MEGF10: variants seen among roughly 807,000 people sequenced by gnomAD.
MEGF10 encodes the protein multiple epidermal growth factor-like domains protein 10.
MEGF10 carries 86 observed loss-of-function variants against 147.5 expected under a neutral mutation model. The ratio of observed to expected loss-of-function variants is 0.58; its 90% confidence interval spans 0.49 to 0.70. The LOEUF is 0.70. Among genes scored for constraint, MEGF10 ranks in the 30% least tolerant of loss-of-function variants. The pLI is 0.00. For synonymous variants in MEGF10, 478 were observed against 525.5 expected (o/e 0.91, Z 1.24); for missense variants, 1,329 against 1,487.3 (o/e 0.89, Z 1.75).
chr5:127,334,906 C>T (rs1761403299), intron 2 of MEGF10, among the ~76,000 whole-genome samples: 1 of 152,066 alleles, frequency 6.6e-6, no homozygotes, highest in Non-Finnish European at 1.5e-5. Flanking sequence ...ATAATTTAGG[C>T]AGGTAAAATG....
the MEGF10 span, among the ~76,000 whole-genome samples, chr5:127,256,067 C>A: frequency 6.6e-6 from 1 of 152,188 alleles, no homozygotes; most frequent in Admixed American, 6.5e-5. Flanking sequence ...GAAATCTGGG[C>A]TCCCATGACT....
chr5:127,268,873 AC>A, the MEGF10 span, among the ~76,000 whole-genome samples: 2 of 152,132 alleles, frequency 1.3e-5, no homozygotes, highest in Non-Finnish European at 2.9e-5. Flanking sequence ...TCAGCCAGGT[AC>A]CCCTTTGAGA....
intron 5 of MEGF10, among the ~76,000 whole-genome samples, chr5:127,395,012 TC>T (rs1379309926): frequency 6.6e-6 from 1 of 152,240 alleles, no homozygotes; most frequent in African/African-American, 2.4e-5. Context: ...CCTAGAGTTT[TC>T]TTCTTTTGAA....
At chr5:127,309,443 C>T (rs1760162627) in intron 1 of MEGF10, among the ~76,000 whole-genome samples, 2 of 152,198 alleles carry the variant, frequency 1.3e-5, no homozygotes, top group Admixed American at 1.3e-4. Context: ...AGCAGCTCCC[C>T]ATTTTCCTCT....
intron 8 of MEGF10, among the ~76,000 whole-genome samples, chr5:127,409,084 A>T (rs970296642): frequency 6.6e-6 from 1 of 152,200 alleles, no homozygotes; most frequent in African/African-American, 2.4e-5. Context: ...CTCAAAAAAA[A>T]GTATCAAGAT....
intron 1 of MEGF10, among the ~76,000 whole-genome samples, chr5:127,301,751 A>T (rs561084971): frequency 1.4e-4 from 21 of 152,364 alleles, no homozygotes; most frequent in African/African-American, 4.8e-4. Flanking sequence ...TGCATTTAGC[A>T]TAGTGGTAGG....
intron 17 of MEGF10, 58 bp downstream of exon 17, chr5:127,438,625 C>G: frequency 6.3e-7 from 1 of 1,586,768 alleles, no homozygotes; most frequent in South Asian, 1.1e-5. Context: ...GAGGAAACAG[C>G]CTTACCCTCC....
Position 127,293,354 on chromosome 5 carries a change from T to C in MEGF10, c.-19+2298T>C, listed in dbSNP as rs543832384. 2.6e-5 allele frequency among the ~76,000 whole-genome samples: 4 copies of C among 152,364 alleles called. No homozygotes were observed. In the East Asian group the frequency reaches 7.7e-4, roughly 29 times the overall value. On this transcript the variant is annotated intron_variant, in intron 1 of 24. Transcript: ENST00000503335. ...TCTGTCTTTCACTATTCTCAGACTT[T>C]GGTTTATACCAGAAGCATGAAGTGG...
In MEGF10 at chr5:127,434,791, C is replaced by A; in HGVS notation, c.1945C>A (p.Pro649Thr). ...HHITGLCDCL[P>T]GFTGALCNEV... ...CATCACCGGCCTGTGTGACTGCTTGCCTGGCTTCACAGGCGCCCTCTGCAA... is the reference window on the plus strand; with the variant it reads ...CATCACCGGCCTGTGTGACTGCTTGACTGGCTTCACAGGCGCCCTCTGCAA... The change falls in exon 15 of 25, where the codon CCT becomes ACT. Residue 649 changes from proline to threonine, a missense_variant. Around this residue, in one of 3 missense-constraint regions of MEGF10, gnomAD observed 980 missense variants for 1,085.9 expected, o/e 0.90. Coordinates refer to ENST00000503335, the MANE Select transcript of MEGF10 (RefSeq NM_001256545.2). 5 of 1,613,612 alleles carry A rather than the reference C, an allele frequency of 3.1e-6. No homozygotes were observed. In the South Asian group the frequency reaches 5.5e-5, roughly 18 times the overall value.
intron 5 of MEGF10, among the ~76,000 whole-genome samples, chr5:127,377,601 G>T (rs1010456761): frequency 1.3e-4 from 20 of 152,164 alleles, no homozygotes; most frequent in African/African-American, 4.8e-4. Context: ...TGTAAAGCAG[G>T]CATGATGTAC....
intron 1 of MEGF10, among the ~76,000 whole-genome samples, chr5:127,293,117 G>A (rs1470518845): frequency 6.6e-6 from 1 of 152,296 alleles, no homozygotes; most frequent in South Asian, 2.1e-4. Context: ...GTTGAGAGGT[G>A]GGGAAAGAGT....
chr5:127,340,450 T>C, intron 3 of MEGF10, 80 bp from the exon 4 acceptor site: 1 of 1,050,084 alleles, frequency 9.5e-7, no homozygotes, highest in South Asian at 1.4e-5. Flanking sequence ...ATGTATTCCA[T>C]ATTTCTTCAT....
At position 127,456,344 on chromosome 5, in the gene MEGF10, C is replaced by T. The variant is rs1766362406; in HGVS notation, c.3232+737C>T. 8.5e-5 allele frequency among the ~76,000 whole-genome samples: 13 copies of T among 152,254 alleles called. No homozygotes were observed. The South Asian group carries it at 2.7e-3, about 32-fold the overall frequency. ...TTAAAATTGGAGTTATTTTGATTGT[C>T]TTTTGCAGATACCACTTGGGAAATG... is the stretch of plus-strand genomic sequence containing the variant. On this transcript the variant is annotated intron_variant, in intron 24 of 24. Transcript: ENST00000503335.
intron 8 of MEGF10, among the ~76,000 whole-genome samples, chr5:127,403,169 G>A (rs1331364077): frequency 2.6e-5 from 4 of 152,188 alleles, no homozygotes; most frequent in African/African-American, 9.6e-5. Flanking sequence ...GGTCCCACAC[G>A]AAACAGAAAA....
chr5:127,333,432 A>G (rs568923985), intron 2 of MEGF10, among the ~76,000 whole-genome samples: 1 of 152,168 alleles, frequency 6.6e-6, no homozygotes, highest in Admixed American at 6.5e-5. Context: ...GAATCACTTG[A>G]ACTCAGGAGG....
intron 5 of MEGF10, among the ~76,000 whole-genome samples, chr5:127,372,092 A>G (rs1474559497): frequency 6.6e-6 from 1 of 152,224 alleles, no homozygotes; most frequent in Non-Finnish European, 1.5e-5. Context: ...TCTATTGTCT[A>G]GTAATATGCT....
At chr5:127,348,082 A>G (rs1453663397) in intron 4 of MEGF10, among the ~76,000 whole-genome samples, 4 of 152,100 alleles carry the variant, frequency 2.6e-5, no homozygotes, top group African/African-American at 9.7e-5. Flanking sequence ...GTAGCTCTAA[A>G]GTTGAGTAAA....
chr5:127,434,767 A>G lies in MEGF10; in HGVS notation c.1921A>G (p.Ile641Val), dbSNP rs745565012. 1 of 1,613,888 alleles carries G rather than the reference A, an allele frequency of 6.2e-7. No homozygotes were observed. The highest frequency in any genetic ancestry group is 1.7e-5 in the Admixed American group (1 of 60,016). The change falls in exon 15 of 25, where the codon ATC becomes GTC. Residue 641 changes from isoleucine (I) to valine (V), a missense_variant. This residue lies in a region of MEGF10 where 980 missense variants were observed against 1,085.9 expected (regional missense o/e 0.90). Coordinates refer to ENST00000503335, the MANE Select transcript of MEGF10 (RefSeq NM_001256545.2). Reference sequence around the variant, plus strand: ...TCACAGCAGCGGGCCCTGCCACCACATCACCGGCCTGTGTGACTGCTTGCC... The same window carrying G: ...TCACAGCAGCGGGCCCTGCCACCACGTCACCGGCCTGTGTGACTGCTTGCC... The part of the protein sequence containing the change: ...CVHSSGPCHH[I>V]TGLCDCLPGF...
intron 4 of MEGF10, among the ~76,000 whole-genome samples, chr5:127,346,356 C>A (rs1353854229): frequency 6.6e-6 from 1 of 152,062 alleles, no homozygotes; most frequent in Non-Finnish European, 1.5e-5. Flanking sequence ...TCGCCACATC[C>A]ACACCGACAT....
Sources: allele counts gnomAD v4.1 joint callset (sites outside exome capture counted in the v4.1 genomes callset), GRCh38; gene constraint gnomAD v4.1.1; regional missense constraint gnomAD v4.1.1; transcripts MANE v1.5; gene names NCBI Gene and HGNC (gene_info 2026-07-23, HGNC 2026-07-21).